The following RICTOR variants were observed in gnomAD, a reference collection of about 807,000 sequenced individuals.
The protein encoded by RICTOR is rapamycin-insensitive companion of mTOR.
In RICTOR, 49 loss-of-function variants were observed where a neutral mutation model predicts 214.9. The ratio of observed to expected loss-of-function variants is 0.23; its 90% CI spans 0.18 to 0.29. The LOEUF (loss-of-function observed/expected upper bound fraction) is 0.29, where lower values mean the gene tolerates loss of function less well. Ranked by LOEUF, RICTOR falls within the 10% of genes least tolerant of loss-of-function variation. The pLI is 1.00. For missense variants in RICTOR, 1,625 were observed against 2,047.0 expected, an observed-to-expected ratio of 0.79 and a Z score of 3.98; for synonymous variants, 717 against 711.3, an observed-to-expected ratio of 1.01 and a Z score of -0.13.
chr5:39,073,655 C>G (rs766641979), intron 2 of RICTOR, among the ~76,000 whole-genome samples: 1 of 152,202 alleles, frequency 6.6e-6, no homozygotes, highest in African/African-American at 2.4e-5. Context: ...CGGCAAGCAC[C>G]GAGCAGGTCC....
intron 2 of RICTOR, among the ~76,000 whole-genome samples, chr5:39,072,928 G>A (rs1759421434): frequency 6.6e-6 from 1 of 152,218 alleles, no homozygotes; most frequent in South Asian, 2.1e-4. Context: ...TTGTAGCTAA[G>A]TGAAAGCTGA....
rs1579858007 is a variant in RICTOR, at chr5:38,944,529, T to A, written c.4830A>T (p.Ile1610=). The change falls in exon 36 of 38, where the codon ATA becomes ATT. Residue 1610 remains isoleucine, a synonymous_variant. Coordinates refer to ENST00000357387, the MANE Select transcript of RICTOR (RefSeq NM_152756.5). The part of the protein sequence containing the change: ...TIPDDTPMCR[I]LLRKEVLRLV... ...ATCTTAGAACTTCTTTGCGAAGGAGTATACGGCACATTGGTGTATCATCTG... is the reference window on the plus strand; with the variant it reads ...ATCTTAGAACTTCTTTGCGAAGGAGAATACGGCACATTGGTGTATCATCTG... 6.2e-7 allele frequency: 1 copy of A among 1,611,326 alleles called. No homozygotes were observed. The highest frequency in any genetic ancestry group is 2.2e-5 in the East Asian group (1 of 44,782).
At chr5:38,998,969 T>C (rs535079349) in intron 5 of RICTOR, among the ~76,000 whole-genome samples, 5 of 146,566 alleles carry the variant, frequency 3.4e-5, no homozygotes, top group African/African-American at 1.0e-4. Context: ...TGAGCCGAGA[T>C]TGCGCCACTG....
chr5:38,953,421 T>C, intron 28 of RICTOR, 40 bp downstream of exon 28: 2 of 899,508 alleles, frequency 2.2e-6, no homozygotes, highest in Non-Finnish European at 3.4e-6. Context: ...CTTAAAAATC[T>C]AAAAATTGCG....
intron 6 of RICTOR, among the ~76,000 whole-genome samples, chr5:38,994,290 A>C (rs904770453): frequency 6.6e-6 from 1 of 151,796 alleles, no homozygotes; most frequent in Admixed American, 6.6e-5. Context: ...GGTTTCATTC[A>C]CAAGATAACT....
intron 7 of RICTOR, among the ~76,000 whole-genome samples, chr5:38,984,493 T>C (rs1280585430): frequency 1.3e-5 from 2 of 151,556 alleles, no homozygotes; most frequent in Non-Finnish European, 2.9e-5. Context: ...AAAATTATCT[T>C]TGAGTATAGC....
At chr5:39,023,326 T>C (rs568923678) in intron 2 of RICTOR, among the ~76,000 whole-genome samples, 78 of 151,370 alleles carry the variant, frequency 5.2e-4, no homozygotes, top group African/African-American at 1.7e-3. Context: ...AGTAACCAGA[T>C]TGAAAAAAAA....
chr5:38,965,531 A>G (rs1750140056), intron 15 of RICTOR, among the ~76,000 whole-genome samples: 1 of 152,024 alleles, frequency 6.6e-6, no homozygotes, highest in Admixed American at 6.6e-5. Context: ...AGGGAAAAAG[A>G]TAAAATGTAT....
chr5:39,026,171 T>C (rs556389692), intron 2 of RICTOR, among the ~76,000 whole-genome samples: 1 of 152,158 alleles, frequency 6.6e-6, no homozygotes, highest in South Asian at 2.1e-4. Context: ...AAACCATGGC[T>C]GTATGAGAGA....
intron 2 of RICTOR, among the ~76,000 whole-genome samples, chr5:39,040,011 T>C (rs879520722): frequency 1.3e-5 from 2 of 152,094 alleles, no homozygotes; most frequent in Admixed American, 6.5e-5. Context: ...TAAAGACACA[T>C]GCACACGTAT....
At chr5:39,066,054 G>A (rs1580230163) in intron 2 of RICTOR, among the ~76,000 whole-genome samples, 1 of 152,208 alleles carries the variant, frequency 6.6e-6, no homozygotes, top group African/African-American at 2.4e-5. Context: ...TTTCCCCTTG[G>A]CCCCACCCTA....
chr5:38,953,163 A>C, intron 28 of RICTOR, 72 bp from the exon 29 acceptor site: 1 of 1,043,792 alleles, frequency 9.6e-7, no homozygotes, highest in Non-Finnish European at 1.4e-6. Flanking sequence ...GCTACCAAGA[A>C]ACAAATTTAA....
At chr5:38,994,419 T>TC (rs1753015721) in intron 6 of RICTOR, among the ~76,000 whole-genome samples, 1 of 57,144 alleles carries the variant, frequency 1.7e-5, no homozygotes, top group African/African-American at 7.0e-5. Context: ...AAGGTTTTAC[T>TC]AAAAAAAAAA....
At chr5:39,074,087 G>C (rs1456147585) in intron 2 of RICTOR, 24 bp downstream of exon 2, 2 of 1,493,730 alleles carry the variant, frequency 1.3e-6, no homozygotes, top group East Asian at 2.6e-5. Context: ...GCGCCCTCGC[G>C]GCGCCCGCGG....
chr5:39,069,474 A>G (rs925133062), intron 2 of RICTOR, among the ~76,000 whole-genome samples: 1 of 152,224 alleles, frequency 6.6e-6, no homozygotes, highest in Admixed American at 6.5e-5. Flanking sequence ...CGTTTTTCCA[A>G]GTTACCCTTG....
chr5:38,977,415 T>C (rs1190141613), intron 9 of RICTOR, among the ~76,000 whole-genome samples: 1 of 152,156 alleles, frequency 6.6e-6, no homozygotes, highest in Non-Finnish European at 1.5e-5. Context: ...AATGTCTATA[T>C]TTCAAAAGAA....
intron 3 of RICTOR, among the ~76,000 whole-genome samples, chr5:39,004,444 T>C (rs1580072928): frequency 2.0e-5 from 3 of 150,886 alleles, no homozygotes; most frequent in African/African-American, 7.3e-5. Context: ...TTGAAAGTCA[T>C]GTCATTTATT....
intron 15 of RICTOR, among the ~76,000 whole-genome samples, 180 bp downstream of exon 15, chr5:38,966,461 G>A (rs141549853): frequency 0.01 from 1,558 of 152,300 alleles, 10 homozygotes; most frequent in Non-Finnish European, 0.015. Context: ...GCGCATGCGC[G>A]CACGTACATA....
intron 8 of RICTOR, 70 bp from the exon 9 acceptor site, chr5:38,978,720 G>T (rs1052771695): frequency 1.1e-5 from 8 of 733,200 alleles, no homozygotes; most frequent in Non-Finnish European, 1.8e-5. Context: ...TTTATGGAAT[G>T]TAACATTCCA....
Sources: gnomAD v4.1 joint callset for allele counts (sites outside exome capture counted in the v4.1 genomes callset) on GRCh38, gnomAD v4.1.1 for gene constraint, MANE v1.5 for transcripts, NCBI Gene and HGNC (gene_info 2026-07-23, HGNC 2026-07-21) for gene names.